The following MON2 variants were observed in gnomAD, a reference collection of about 807,000 sequenced individuals.
MON2 encodes the protein protein MON2 homolog.
A neutral mutation model predicts 208.6 loss-of-function variants in MON2; 84 were observed. The observed-to-expected ratio is 0.40, with a 90% CI of 0.34 to 0.48. The LOEUF (loss-of-function observed/expected upper bound fraction) is 0.48, where lower values mean the gene tolerates loss of function less well. Ranked by LOEUF, MON2 falls within the 20% of genes least tolerant of loss-of-function variation. The pLI is 0.59. For synonymous variants in MON2, 660 were observed against 694.0 expected (o/e 0.95, Z 0.77); for missense variants, 1,611 against 2,015.4 (o/e 0.80, Z 3.84).
At chr12:62,472,717 A>T (rs755013319) in intron 1 of MON2, among the ~76,000 whole-genome samples, 3 of 152,234 alleles carry the variant, frequency 2.0e-5, no homozygotes, top group Non-Finnish European at 2.9e-5. Context: ...GGTTGGGTTA[A>T]CACCTCATTT....
chr12:62,559,358 C>T (rs906488047), intron 25 of MON2, among the ~76,000 whole-genome samples: 1 of 152,122 alleles, frequency 6.6e-6, no homozygotes, highest in African/African-American at 2.4e-5. Flanking sequence ...GGCTTGTTTG[C>T]TGTAGGGAAA....
rs144787091 is a variant in MON2 at position 62,540,944 on chromosome 12, C to T, written c.2365-2153C>T. On this transcript the variant is annotated intron_variant, in intron 19 of 34. Coordinates refer to ENST00000393630, the MANE Select transcript of MON2 (RefSeq NM_015026.3). ...TTGAAAAAAGAATGTTCATCTAAATCGACTGTTCTGAGTGAGTTAAATATT... is the reference window on the plus strand; with the variant it reads ...TTGAAAAAAGAATGTTCATCTAAATTGACTGTTCTGAGTGAGTTAAATATT... Among the ~76,000 whole-genome samples, 116 of 152,204 alleles carry T rather than the reference C, an allele frequency of 7.6e-4. 1 individual carries two copies. The highest frequency in any genetic ancestry group is 3.9e-3 in the Admixed American group (60 of 15,288).
chr12:62,556,279 T>G, intron 25 of MON2, 87 bp downstream of exon 25: 1 of 1,245,780 alleles, frequency 8.0e-7, no homozygotes, highest in Non-Finnish European at 1.1e-6. Flanking sequence ...GAGTCTATCT[T>G]AACTTAGTCT....
At chr12:62,528,882 G>T (rs889990982) in intron 11 of MON2, among the ~76,000 whole-genome samples, 6 of 152,096 alleles carry the variant, frequency 3.9e-5, no homozygotes, top group Admixed American at 1.3e-4. Flanking sequence ...ATGTTTGGGG[G>T]TACATGTGAA....
intron 2 of MON2, among the ~76,000 whole-genome samples, chr12:62,492,666 C>T (rs1330350140): frequency 6.8e-6 from 1 of 147,108 alleles, no homozygotes. Flanking sequence ...CCACCGCGCC[C>T]GGCCGTTAGT....
At position 62,560,480 on chromosome 12, in the gene MON2, TC is replaced by T; in HGVS notation, c.3410-9del. ...TTATGATAATAGTTTTTTTTTCTCT[TC>T]CTAATATAGGAGATTTTTCAAGAGC... On this transcript the variant is annotated splice_polypyrimidine_tract_variant and intron_variant, in intron 25 of 34. Coordinates refer to ENST00000393630, the MANE Select transcript of MON2 (RefSeq NM_015026.3). 6.3e-7 allele frequency: 1 copy of T among 1,583,920 alleles called. No homozygotes were observed.
At chr12:62,540,745 A>G (rs1221261645) in intron 19 of MON2, among the ~76,000 whole-genome samples, 2 of 152,220 alleles carry the variant, frequency 1.3e-5, no homozygotes, top group Non-Finnish European at 2.9e-5. Flanking sequence ...TGAAGTAAAT[A>G]TGGAATGGAA....
In MON2 at chr12:62,571,488, CT is replaced by C; in HGVS notation, c.4421del (p.Leu1474HisfsTer20). ...SSLLRVLSIGLPVARQHASSG... is the reference protein window; with the variant it reads ...SSLLRVLSIGXPVARQHASSG... ...TCTCCTCAGAGTTCTTTCTATTGGGCTACCTGTTGCCCGGCAGCATGCTTCT... is the reference window on the plus strand; with the variant it reads ...TCTCCTCAGAGTTCTTTCTATTGGGCACCTGTTGCCCGGCAGCATGCTTCT... On this transcript the variant is annotated frameshift_variant, in exon 30 of 35. Coordinates refer to ENST00000393630, the MANE Select transcript of MON2 (RefSeq NM_015026.3). LOFTEE classifies it high-confidence loss of function. 1 of 1,613,906 alleles carries C rather than the reference CT, an allele frequency of 6.2e-7. No individual in the cohort carries two copies. Among genetic ancestry groups the C allele is most frequent in the Non-Finnish European group, 8.5e-7 (1 of 1,179,826 alleles).
In MON2 at chr12:62,550,909, CTTTTTTTTTTT is replaced by C. The variant is rs869160726; in HGVS notation, c.2916+1094_2916+1104del. On this transcript the variant is annotated intron_variant, in intron 23 of 34. Coordinates refer to ENST00000393630, the MANE Select transcript of MON2 (RefSeq NM_015026.3). The stretch of plus-strand genomic sequence containing the variant: ...GCCTGCTGTACTTTCTTCTTTCTTT[CTTTTTTTTTTT>C]TTTTTTTTTTTTTTCTGAGACGGAG... Among the ~76,000 whole-genome samples the C allele has an allele frequency of 5.4e-3, 237 of 43,812 alleles. 1 individual carries two copies. In the South Asian group the frequency reaches 0.054, roughly 10 times the overall value. 28.7% of individuals were successfully genotyped at this position (43,812 alleles called of 152,430 possible). A position where few individuals can be genotyped will look rare whatever the true frequency, so the allele number is the denominator to read the frequency against.
chr12:62,548,063 T>C (rs1311686777), intron 22 of MON2, among the ~76,000 whole-genome samples: 4 of 152,202 alleles, frequency 2.6e-5, no homozygotes, highest in South Asian at 2.1e-4. Flanking sequence ...GGAGATCTTA[T>C]ATGGTTATAT....
chr12:62,482,121 CTT>C (rs2069481556), intron 1 of MON2, among the ~76,000 whole-genome samples: 1 of 152,186 alleles, frequency 6.6e-6, no homozygotes, highest in Non-Finnish European at 1.5e-5. Flanking sequence ...TGTCTCTGCT[CTT>C]TGTTACTAGG....
chr12:62,544,510 T>C (rs936988785), intron 20 of MON2, among the ~76,000 whole-genome samples: 4 of 152,096 alleles, frequency 2.6e-5, no homozygotes, highest in Non-Finnish European at 4.4e-5. Flanking sequence ...CCCCATTTTA[T>C]TGGAATTACT....
At chr12:62,480,429 G>A (rs974555032) in intron 1 of MON2, among the ~76,000 whole-genome samples, 4 of 152,210 alleles carry the variant, frequency 2.6e-5, no homozygotes, top group Admixed American at 6.5e-5. Context: ...GCCAGGTGTG[G>A]TGGTGTGTGC....
chr12:62,513,742 C>T (rs1434558034), intron 8 of MON2, among the ~76,000 whole-genome samples: 3 of 122,966 alleles, frequency 2.4e-5, no homozygotes, highest in South Asian at 2.4e-4. Flanking sequence ...GTCAGGAGAT[C>T]GAGACCATCG....
chr12:62,561,569 A>C (rs2074199012), intron 26 of MON2, among the ~76,000 whole-genome samples: 1 of 152,158 alleles, frequency 6.6e-6, no homozygotes, highest in African/African-American at 2.4e-5. Context: ...TGGTTTTTAA[A>C]GAGATTTATT....
chr12:62,508,220 G>A (rs1449253873), intron 7 of MON2, 66 bp from the exon 8 acceptor site: 1 of 1,277,026 alleles, frequency 7.8e-7, no homozygotes, highest in South Asian at 1.4e-5. Flanking sequence ...GTGAGACTGT[G>A]TTTTTGGAAG....
intron 24 of MON2, among the ~76,000 whole-genome samples, chr12:62,554,108 A>C (rs557897212): frequency 1.7e-4 from 26 of 152,158 alleles, no homozygotes; most frequent in Non-Finnish European, 3.1e-4. Flanking sequence ...TAATTCTCCC[A>C]TACAGTTTGT....
At chr12:62,475,167 G>C (rs772878507) in intron 1 of MON2, among the ~76,000 whole-genome samples, 1 of 151,974 alleles carries the variant, frequency 6.6e-6, no homozygotes, top group Middle Eastern at 3.2e-3. Flanking sequence ...ACCCCAACTA[G>C]GTTACCTGCT....
chr12:62,535,570 T>C lies in MON2; in HGVS notation c.1761T>C (p.Thr587=). 6.2e-7 allele frequency: 1 copy of C among 1,613,792 alleles called. No individual in the cohort carries two copies. The highest frequency in any genetic ancestry group is 8.5e-7 in the Non-Finnish European group (1 of 1,179,854). ...ATENILKAEL[T]MAALCGRLGL... ...AGAATATTTTAAAAGCTGAACTGACTATGGCTGCTCTTTGTGGAAGACTGG... is the reference window on the plus strand; with the variant it reads ...AGAATATTTTAAAAGCTGAACTGACCATGGCTGCTCTTTGTGGAAGACTGG... The change falls in exon 14 of 35, where the codon ACT becomes ACC. Residue 587 remains threonine (T), a synonymous_variant. Transcript: ENST00000393630.
Sources: gnomAD v4.1 joint callset for allele counts (sites outside exome capture counted in the v4.1 genomes callset) on GRCh38, gnomAD v4.1.1 for gene constraint, MANE v1.5 for transcripts, NCBI Gene and HGNC (gene_info 2026-07-23, HGNC 2026-07-21) for gene names.